MOSPD2: variants seen among roughly 807,000 people sequenced by gnomAD.
MOSPD2 encodes the protein motile sperm domain containing 2, also known as motile sperm domain-containing protein 2.
A neutral mutation model predicts 41.7 loss-of-function variants in MOSPD2; 5 were observed. The ratio of observed to expected loss-of-function variants is 0.12; its 90% CI spans 0.06 to 0.25. MOSPD2 has a LOEUF of 0.25. MOSPD2 is among the 10% of genes least tolerant of loss of function. MOSPD2 has a pLI of 1.00. For synonymous variants in MOSPD2, 115 were observed against 126.9 expected (o/e 0.91, Z 0.63); for missense variants, 282 against 375.2 (o/e 0.75, Z 2.05).
chrX:14,918,635 A>C (rs758598291), intron 13 of MOSPD2, 45 bp from the exon 14 acceptor site: 18 of 923,360 alleles, frequency 1.9e-5, no homozygotes, highest in Non-Finnish European at 2.7e-5. Flanking sequence ...CTTTTATAAG[A>C]AAATTAACTT....
In MOSPD2 at chrX:14,892,952, G is replaced by A; in HGVS notation, c.235+74G>A. ...TATTGTTTTACATTTATCTAATCAT[G>A]TATTTGCACATATTCCTAGCAGTCA... is the stretch of plus-strand genomic sequence containing the variant. On this transcript the variant is annotated intron_variant, in intron 3 of 14. Coordinates refer to ENST00000380492, the MANE Select transcript of MOSPD2 (RefSeq NM_152581.4). The A allele has an allele frequency of 4.0e-6, 3 of 744,814 alleles. No homozygotes were observed. In the Admixed American group the frequency reaches 8.6e-5, roughly 21 times the overall value. The allele number at this position is 744,814 out of a possible 1,213,427, so 61.4% of individuals were successfully genotyped here.
intron 5 of MOSPD2, among the ~76,000 whole-genome samples, chrX:14,899,514 TTA>T (rs202171136): frequency 3.2e-5 from 3 of 94,425 alleles, no homozygotes; most frequent in Non-Finnish European, 6.3e-5. Flanking sequence ...AAAGGTATTA[TTA>T]TATATATATA....
chrX:14,916,379 G>T, intron 13 of MOSPD2, 53 bp downstream of exon 13: 1 of 1,201,378 alleles, frequency 8.3e-7, no homozygotes, highest in Non-Finnish European at 1.1e-6. Flanking sequence ...ATCAGAAAGA[G>T]AAAAGTGCCT....
At chrX:14,884,194 A>G (rs2092537096) in intron 2 of MOSPD2, among the ~76,000 whole-genome samples, 1 of 111,718 alleles carries the variant, frequency 9.0e-6, no homozygotes, top group East Asian at 2.8e-4. Flanking sequence ...CTACTTGTCT[A>G]CTTCACTAAT....
intron 5 of MOSPD2, among the ~76,000 whole-genome samples, chrX:14,899,813 G>A (rs1365657965): frequency 9.1e-6 from 1 of 109,958 alleles, no homozygotes. Context: ...TTTATAAGAT[G>A]GCCAATCAGA....
chrX:14,878,811 A>C (rs1317765982), intron 2 of MOSPD2, among the ~76,000 whole-genome samples: 1 of 111,513 alleles, frequency 9.0e-6, no homozygotes, highest in Non-Finnish European at 1.9e-5. Flanking sequence ...CTATTTTTTA[A>C]TTTTGAGTTT....
rs774413502 is a variant in MOSPD2 at position 14,873,967 on chromosome X, A to G, written c.79+209A>G. 8.9e-5 allele frequency: 38 copies of G among 429,268 alleles called. No homozygotes were observed. The African/African-American group carries it at 9.0e-4, about 10-fold the overall frequency. The allele number at this position is 429,268 out of a possible 1,213,427, so 35.4% of individuals were successfully genotyped here. On this transcript the variant is annotated intron_variant, in intron 2 of 14. Transcript: ENST00000380492. ...AAGTGGTGTGTCCCATGCTCCCTTT[A>G]AAGGGTTAATGTAAGTTGGAAATCG...
At chrX:14,900,704 A>G (rs954918761) in intron 6 of MOSPD2, 69 bp downstream of exon 6, 11 of 531,822 alleles carry the variant, frequency 2.1e-5, no homozygotes, top group Non-Finnish European at 3.2e-5. Flanking sequence ...AGAATTGTGG[A>G]GCCTTATGTT....
At chrX:14,909,142 TTTAAAG>T (rs201170163) in intron 8 of MOSPD2, among the ~76,000 whole-genome samples, 158 bp downstream of exon 8, 2,389 of 112,263 alleles carry the variant, frequency 0.021, 57 homozygotes, top group African/African-American at 0.073. Context: ...TTTTTAAAGT[TTTAAAG>T]TTAATTTTTT....
At chrX:14,895,735 A>G (rs1490419963) in intron 4 of MOSPD2, among the ~76,000 whole-genome samples, 4 of 111,942 alleles carry the variant, frequency 3.6e-5, no homozygotes, top group Non-Finnish European at 7.5e-5. Flanking sequence ...GACAGTCGCT[A>G]AAGGTTGCTA....
At chrX:14,882,225 A>T (rs779186409) in intron 2 of MOSPD2, among the ~76,000 whole-genome samples, 6 of 111,547 alleles carry the variant, frequency 5.4e-5, no homozygotes, top group African/African-American at 1.3e-4. Context: ...AGTGAAATAA[A>T]CCAGGCCCAG....
intron 2 of MOSPD2, among the ~76,000 whole-genome samples, chrX:14,879,256 T>C (rs2147477784): frequency 8.9e-6 from 1 of 112,246 alleles, no homozygotes; most frequent in South Asian, 3.7e-4. Context: ...AACATCCTTA[T>C]ACATGTCTGG....
intron 2 of MOSPD2, among the ~76,000 whole-genome samples, chrX:14,884,949 A>G (rs2092538374): frequency 9.0e-6 from 1 of 111,474 alleles, no homozygotes; most frequent in Non-Finnish European, 1.9e-5. Context: ...AGCACCCAGA[A>G]TCATAAGGGG....
At chrX:14,913,428 T>C (rs2092595126) in intron 10 of MOSPD2, among the ~76,000 whole-genome samples, 1 of 111,794 alleles carries the variant, frequency 8.9e-6, no homozygotes, top group African/African-American at 3.3e-5. Flanking sequence ...GAGCTGCTCC[T>C]ACACAGACAC....
intron 14 of MOSPD2, among the ~76,000 whole-genome samples, chrX:14,919,100 C>T (rs1001361894): frequency 4.5e-5 from 5 of 111,062 alleles, no homozygotes; most frequent in African/African-American, 1.6e-4. Context: ...CATCTATAGT[C>T]CCAGCTGAGG....
At chrX:14,918,233 T>C (rs777740673) in intron 13 of MOSPD2, among the ~76,000 whole-genome samples, 1 of 111,872 alleles carries the variant, frequency 8.9e-6, no homozygotes, top group East Asian at 2.8e-4. Flanking sequence ...TGCTTTGTTT[T>C]CTTTGTTTTT....
intron 7 of MOSPD2, among the ~76,000 whole-genome samples, chrX:14,905,000 A>G (rs1257265560): frequency 2.7e-5 from 3 of 111,887 alleles, no homozygotes; most frequent in Admixed American, 9.5e-5. Flanking sequence ...AACAAAGACA[A>G]TCCTATCAGG....
At chrX:14,885,957 G>C (rs2092540406) in intron 2 of MOSPD2, among the ~76,000 whole-genome samples, 1 of 111,472 alleles carries the variant, frequency 9.0e-6, no homozygotes, top group Non-Finnish European at 1.9e-5. Context: ...CTTGTACATG[G>C]CTAATCATTC....
At chrX:14,888,284 G>A (rs1291843564) in intron 2 of MOSPD2, among the ~76,000 whole-genome samples, 1 of 106,257 alleles carries the variant, frequency 9.4e-6, no homozygotes, top group East Asian at 2.9e-4. Context: ...GATATGGTTT[G>A]GCTCTCTCCC....
Sources: gnomAD v4.1 joint callset for allele counts (sites outside exome capture counted in the v4.1 genomes callset) on GRCh38, gnomAD v4.1.1 for gene constraint, MANE v1.5 for transcripts, NCBI Gene and HGNC (gene_info 2026-07-23, HGNC 2026-07-21) for gene names.